Variants in XKR6 observed in about 807,000 individuals in gnomAD.
XKR6 encodes XK related 6, also known as XK-related protein 6.
A neutral mutation model predicts 56.7 loss-of-function variants in XKR6; 22 were observed. That is an observed-to-expected ratio of 0.39 (90% CI 0.28 to 0.55). The LOEUF (loss-of-function observed/expected upper bound fraction) is 0.55, where lower values mean the gene tolerates loss of function less well. XKR6 is among the 20% of genes least tolerant of loss of function. The pLI, the probability that XKR6 is intolerant of heterozygous loss-of-function variation, is 0.66. For synonymous variants in XKR6, 524 were observed against 387.8 expected (o/e 1.35, Z -4.13); for missense variants, 852 against 889.0 (o/e 0.96, Z 0.53).
At chr8:11,023,374 C>T (rs1313996850) in intron 1 of XKR6, among the ~76,000 whole-genome samples, 1 of 152,222 alleles carries the variant, frequency 6.6e-6, no homozygotes, top group Non-Finnish European at 1.5e-5. Context: ...AGCAAGAAAT[C>T]CTCTAACCTC....
chr8:11,078,485 G>T (rs546153159), intron 1 of XKR6, among the ~76,000 whole-genome samples: 14 of 152,260 alleles, frequency 9.2e-5, no homozygotes, highest in African/African-American at 3.4e-4. Context: ...CCCACGTGAG[G>T]CAAGGCTTCT....
chr8:11,154,651 T>C (rs1424399427), intron 1 of XKR6, among the ~76,000 whole-genome samples: 2 of 152,226 alleles, frequency 1.3e-5, no homozygotes, highest in Admixed American at 1.3e-4. Context: ...ACTCACAGTT[T>C]GGCTAATGCT....
chr8:11,141,478 T>C (rs980348224), intron 1 of XKR6, among the ~76,000 whole-genome samples: 5 of 151,942 alleles, frequency 3.3e-5, no homozygotes, highest in Admixed American at 2.6e-4. Context: ...AAAAAGAAAA[T>C]AGAGCTGTAA....
At chr8:11,083,146 G>C (rs1797782468) in intron 1 of XKR6, among the ~76,000 whole-genome samples, 1 of 152,202 alleles carries the variant, frequency 6.6e-6, no homozygotes, top group African/African-American at 2.4e-5. Context: ...TCGGCAGCCA[G>C]TGGGAGCCCA....
intron 1 of XKR6, among the ~76,000 whole-genome samples, chr8:11,086,117 G>GT (rs1280794015): frequency 7.1e-6 from 1 of 140,182 alleles, no homozygotes; most frequent in Non-Finnish European, 1.5e-5. Context: ...ACTCAATTGT[G>GT]TTTTTTTAAA....
chr8:10,969,305 G>A (rs911524683), intron 1 of XKR6, among the ~76,000 whole-genome samples: 3 of 152,166 alleles, frequency 2.0e-5, no homozygotes, highest in Non-Finnish European at 4.4e-5. Flanking sequence ...TGTTGCTTTG[G>A]AGGCTGTCCA....
chr8:11,077,331 T>C (rs976141463), intron 1 of XKR6, among the ~76,000 whole-genome samples: 3 of 152,074 alleles, frequency 2.0e-5, no homozygotes, highest in African/African-American at 7.2e-5. Flanking sequence ...ATCCAGAAAG[T>C]GTGGACACTC....
intron 1 of XKR6, among the ~76,000 whole-genome samples, chr8:11,174,448 A>G (rs1267628325): frequency 6.6e-6 from 1 of 152,248 alleles, no homozygotes; most frequent in African/African-American, 2.4e-5. Flanking sequence ...TTACGAGCCG[A>G]GCACCGCATC....
chr8:11,093,611 A>G (rs1017218288), intron 1 of XKR6, among the ~76,000 whole-genome samples: 1 of 152,030 alleles, frequency 6.6e-6, no homozygotes, highest in African/African-American at 2.4e-5. Context: ...GATGCCTTCA[A>G]ATTTAGTTTA....
At chr8:10,915,631 T>A (rs1321864910) in intron 2 of XKR6, among the ~76,000 whole-genome samples, 1 of 152,192 alleles carries the variant, frequency 6.6e-6, no homozygotes, top group Non-Finnish European at 1.5e-5. Flanking sequence ...AGCGTTCAAG[T>A]CTGTTAAAAA....
intron 1 of XKR6, among the ~76,000 whole-genome samples, chr8:11,138,915 G>A (rs151288977): frequency 1.8e-4 from 26 of 142,254 alleles, no homozygotes; most frequent in South Asian, 1.1e-3. Flanking sequence ...CCATTTCACC[G>A]GCAGAATAAA....
chr8:11,185,151 T>A lies in XKR6; in HGVS notation c.764+15425A>T, dbSNP rs551049042. Among the ~76,000 whole-genome samples, 10 of 152,292 alleles carry A rather than the reference T, an allele frequency of 6.6e-5. No homozygotes were observed. In the South Asian group the frequency reaches 2.1e-3, roughly 32 times the overall value. ...TGCCCTGTGATGGGATGGCACCCTGTCCAGGACTGGTGCCCGCCGTGTGCC... is the reference window on the plus strand; with the variant it reads ...TGCCCTGTGATGGGATGGCACCCTGACCAGGACTGGTGCCCGCCGTGTGCC... On this transcript the variant is annotated intron_variant, in intron 1 of 2. Coordinates refer to ENST00000416569, the MANE Select transcript of XKR6 (RefSeq NM_173683.4).
intron 1 of XKR6, among the ~76,000 whole-genome samples, chr8:11,047,509 A>T (rs1461806685): frequency 6.6e-6 from 1 of 152,212 alleles, no homozygotes; most frequent in African/African-American, 2.4e-5. Context: ...TCCATGAAAA[A>T]GAAACCAGTC....
intron 1 of XKR6, among the ~76,000 whole-genome samples, chr8:10,990,895 C>CTT (rs59410799): frequency 0.036 from 2,653 of 73,522 alleles, 595 homozygotes; most frequent in African/African-American, 0.14. Context: ...TGGGGAATGT[C>CTT]TTTTTTTTTT....
At chr8:10,917,805 C>T (rs1462740178) in intron 2 of XKR6, among the ~76,000 whole-genome samples, 2 of 152,182 alleles carry the variant, frequency 1.3e-5, no homozygotes, top group African/African-American at 2.4e-5. Flanking sequence ...TAACTGAGTC[C>T]GTCACCTTGG....
intron 1 of XKR6, among the ~76,000 whole-genome samples, chr8:11,165,694 G>C (rs577038760): frequency 6.6e-6 from 1 of 152,220 alleles, no homozygotes; most frequent in African/African-American, 2.4e-5. Flanking sequence ...TCCCAATCCA[G>C]TATCAAAATG....
chr8:10,922,933 C>G (rs572327835), intron 2 of XKR6, among the ~76,000 whole-genome samples: 42 of 152,326 alleles, frequency 2.8e-4, no homozygotes, highest in African/African-American at 9.9e-4. Context: ...TTCCAGCTCT[C>G]CTCTCTAGGC....
rs547796321 is a variant in XKR6, at chr8:11,201,632, G to A, written c.-293C>T. ...CTCAGCTGCTGGGCGGGGGACCGGG[G>A]GGTTCTCCCCGCCAGGGCTCCCCTT... On this transcript the variant is annotated 5_prime_UTR_variant, in exon 1 of 3. Transcript: ENST00000416569. 6.6e-6 allele frequency among the ~76,000 whole-genome samples: 1 copy of A among 152,094 alleles called. No individual in the cohort carries two copies. The highest frequency in any genetic ancestry group is 6.5e-5 in the Admixed American group (1 of 15,284).
At chr8:11,185,436 T>C (rs1310129900) in intron 1 of XKR6, among the ~76,000 whole-genome samples, 2 of 152,222 alleles carry the variant, frequency 1.3e-5, no homozygotes, top group Non-Finnish European at 2.9e-5. Context: ...TCACTTCAAA[T>C]TGCAGTTTCT....
Sources: gnomAD v4.1 joint callset for allele counts (sites outside exome capture counted in the v4.1 genomes callset) on GRCh38, gnomAD v4.1.1 for gene constraint, MANE v1.5 for transcripts, NCBI Gene and HGNC (gene_info 2026-07-23, HGNC 2026-07-21) for gene names.